The following SPG11 variants were observed in gnomAD, a reference collection of about 807,000 sequenced individuals.
SPG11 encodes SPG11 vesicle trafficking associated, spatacsin, also known as spatacsin.
In SPG11, 222 loss-of-function variants were observed where a neutral mutation model predicts 274.0. That is an observed-to-expected ratio of 0.81 (90% confidence interval 0.73 to 0.91). SPG11 has a LOEUF of 0.91. SPG11 is among the 40% of genes least tolerant of loss of function. The pLI is 0.00. For synonymous variants in SPG11, 1,144 were observed against 1,039.7 expected (o/e 1.10, Z -1.93); for missense variants, 3,114 against 2,872.7 (o/e 1.08, Z -1.92).
At chr15:44,568,412 A>T (rs2082351435) in intron 35 of SPG11, among the ~76,000 whole-genome samples, 1 of 152,044 alleles carries the variant, frequency 6.6e-6, no homozygotes, top group Non-Finnish European at 1.5e-5. Context: ...TTAAAGAGAG[A>T]TTTTTTTCTG....
chr15:44,636,679 A>G (rs912437868), intron 7 of SPG11, among the ~76,000 whole-genome samples: 9 of 151,706 alleles, frequency 5.9e-5, no homozygotes, highest in African/African-American at 1.9e-4. Flanking sequence ...ACAAAAAAAC[A>G]AATGTGGTTT....
intron 18 of SPG11, among the ~76,000 whole-genome samples, chr15:44,609,492 C>A (rs1040539964): frequency 1.3e-5 from 2 of 152,036 alleles, no homozygotes; most frequent in African/African-American, 4.8e-5. Context: ...CAAAGATGGG[C>A]ACATTTCCAC....
intron 6 of SPG11, among the ~76,000 whole-genome samples, chr15:44,650,716 T>C (rs545270886): frequency 3.3e-5 from 5 of 152,132 alleles, no homozygotes; most frequent in Non-Finnish European, 2.9e-5. Context: ...TAAGTTACTA[T>C]GCAGGAATGC....
Position 44,624,241 on chromosome 15 carries a change from A to G in SPG11, c.2245-1442T>C, listed in dbSNP as rs796786294. Among the ~76,000 whole-genome samples the G allele has an allele frequency of 3.3e-5, 5 of 152,128 alleles. No homozygotes were observed. In the East Asian group the frequency reaches 9.6e-4, roughly 29 times the overall value. On this transcript the variant is annotated intron_variant, in intron 11 of 39. Transcript: ENST00000261866. ...GTTGGCTCATGCCTATAATCTCTGC[A>G]CTTTGGGAGACCAAGGCAGGAGGAT...
chr15:44,633,860 C>CA (rs2084158339), intron 7 of SPG11, among the ~76,000 whole-genome samples: 1 of 150,754 alleles, frequency 6.6e-6, no homozygotes, highest in African/African-American at 2.4e-5. Context: ...TTTTTTGAGT[C>CA]AGAGTTTTGC....
intron 11 of SPG11, 35 bp from the exon 12 acceptor site, chr15:44,622,834 T>C: frequency 6.8e-7 from 1 of 1,475,154 alleles, no homozygotes; most frequent in African/African-American, 1.4e-5. Context: ...AAAAGTTACA[T>C]TTTGTAATGG....
chr15:44,640,307 G>T (rs1297701040), intron 7 of SPG11, among the ~76,000 whole-genome samples: 3 of 152,066 alleles, frequency 2.0e-5, no homozygotes, highest in Non-Finnish European at 4.4e-5. Context: ...AAGATGCCAA[G>T]ATTTTAATGG....
At chr15:44,588,442 A>C (rs2082823383) in intron 28 of SPG11, 1 of 154,610 alleles carries the variant, frequency 6.5e-6, no homozygotes. Context: ...GTGGGAGTTA[A>C]GTCAGGGTGG....
At chr15:44,652,300 A>G in intron 4 of SPG11, 34 bp from the exon 5 acceptor site, 29 of 1,612,466 alleles carry the variant, frequency 1.8e-5, no homozygotes, top group Non-Finnish European at 2.5e-5. Flanking sequence ...CATATGAAAA[A>G]ATGATGATCA....
At chr15:44,622,395 C>T (rs1199516201) in intron 12 of SPG11, 48 bp from the exon 13 acceptor site, 3 of 1,455,020 alleles carry the variant, frequency 2.1e-6, no homozygotes, top group East Asian at 2.3e-5. Flanking sequence ...AAATCAAGCA[C>T]TTTTGCAAAA....
rs529842671 is a variant in SPG11 at position 44,660,628 on chromosome 15, A to G, written c.258-12T>C. 6.8e-6 allele frequency: 11 copies of G among 1,613,510 alleles called. No homozygotes were observed. In the South Asian group the frequency reaches 8.8e-5, roughly 13 times the overall value. ...CCTCCCATAGAAAGCTAAGAAAAAA[A>G]GTTTAGATTTATTATATTCTATATC... On this transcript the variant is annotated splice_polypyrimidine_tract_variant and intron_variant, in intron 1 of 39. Coordinates refer to ENST00000261866, the MANE Select transcript of SPG11 (RefSeq NM_025137.4).
At chr15:44,605,483 A>G (rs2083295346) in intron 20 of SPG11, among the ~76,000 whole-genome samples, 1 of 152,230 alleles carries the variant, frequency 6.6e-6, no homozygotes, top group African/African-American at 2.4e-5. Flanking sequence ...TAAAAGAGAA[A>G]TAGAAAAAAC....
intron 39 of SPG11, among the ~76,000 whole-genome samples, chr15:44,563,651 T>TTAAA (rs1424981754): frequency 1.3e-5 from 2 of 152,004 alleles, no homozygotes; most frequent in Admixed American, 6.6e-5. Context: ...TTTTTCTCTC[T>TTAAA]TAAATAAAAG....
Position 44,620,310 on chromosome 15 carries a change from G to C in SPG11, c.2714C>G (p.Thr905Ser). 1 of 1,613,992 alleles carries C rather than the reference G, an allele frequency of 6.2e-7. No individual in the cohort carries two copies. Among genetic ancestry groups the C allele is most frequent in the African/African-American group, 1.3e-5 (1 of 75,000 alleles). ...CTGAAGTGAAGCATAACTATGCTGG[G>C]TTTGAAATTCTCCAATCCATAAGAT... ...NIILWIGEFQTQHSYASLQQN... is the reference protein window; with the variant it reads ...NIILWIGEFQSQHSYASLQQN... Residue 905 changes from threonine (T) to serine (S), a missense_variant, in exon 15 of 40, where the codon ACC becomes AGC. By Grantham distance (58) the Thr-to-Ser change is moderately conservative. Coordinates refer to ENST00000261866, the MANE Select transcript of SPG11 (RefSeq NM_025137.4).
intron 2 of SPG11, 81 bp from the exon 3 acceptor site, chr15:44,659,384 A>G: frequency 7.9e-7 from 1 of 1,261,640 alleles, no homozygotes; most frequent in Non-Finnish European, 1.1e-6. Flanking sequence ...AACCTAATAC[A>G]AAAAAGTAAA....
Position 44,566,000 on chromosome 15 carries a change from C to G in SPG11, c.6853G>C (p.Val2285Leu). The G allele has an allele frequency of 2.5e-6, 4 of 1,613,714 alleles. No homozygotes were observed. The highest frequency in any genetic ancestry group is 3.4e-6 in the Non-Finnish European group (4 of 1,180,022). The change falls in exon 38 of 40, where the codon GTG becomes CTG. Residue 2285 changes from valine to leucine, a missense_variant. By Grantham distance (32) the Val-to-Leu change is conservative. Transcript: ENST00000261866. ...AAESYAKDSC[V>L]RQAQHCQRLT... ...CGCTGACAGTGCTGGGCCTGTCGCA[C>G]ACAGGAGTCCTGAGGAACAAGGGTG...
chr15:44,608,415 C>T (rs921099553), intron 19 of SPG11, 29 bp downstream of exon 19: 4 of 1,611,446 alleles, frequency 2.5e-6, no homozygotes, highest in African/African-American at 1.3e-5. Context: ...CTCTGATAGA[C>T]CTAAATATTG....
At chr15:44,662,348 A>G (rs2085136743) in intron 1 of SPG11, among the ~76,000 whole-genome samples, 1 of 152,104 alleles carries the variant, frequency 6.6e-6, no homozygotes, top group African/African-American at 2.4e-5. Flanking sequence ...TTAAAGAAAG[A>G]GTTGTGAAAA....
Position 44,574,906 on chromosome 15 carries a change from G to A in SPG11, c.6002C>T (p.Ala2001Val). 1.9e-6 allele frequency: 3 copies of A among 1,613,884 alleles called. 1 individual carries two copies. The South Asian group carries it at 3.3e-5, about 18-fold the overall frequency. The change falls in exon 31 of 40, where the codon GCC (alanine) becomes GTC (valine). Residue 2001 changes from alanine to valine, a missense_variant. Physicochemically the swap from Ala to Val is moderately conservative, Grantham distance 64 (BLOSUM62 0). Coordinates refer to ENST00000261866, the MANE Select transcript of SPG11 (RefSeq NM_025137.4). The part of the protein sequence containing the change: ...CRQVLCLYDL[A>V]KELGCSYTDV... ...GCCCCACCCCTTGGCACATACCTTG[G>A]CAAGATCATACAGACAGAGGACCTG...
Sources: gnomAD v4.1 joint callset for allele counts (sites outside exome capture counted in the v4.1 genomes callset) on GRCh38, gnomAD v4.1.1 for gene constraint, MANE v1.5 for transcripts, NCBI Gene and HGNC (gene_info 2026-07-23, HGNC 2026-07-21) for gene names.